The following IGSF5 variants were observed in gnomAD, a reference collection of about 807,000 sequenced individuals.
IGSF5 encodes immunoglobulin superfamily 5 like.
A neutral mutation model predicts 39.4 loss-of-function variants in IGSF5; 41 were observed. That is an observed-to-expected ratio of 1.04 (90% CI 0.81 to 1.35). The LOEUF (loss-of-function observed/expected upper bound fraction) is 1.35. Among genes scored for constraint, IGSF5 ranks in the 40% most tolerant of loss-of-function variants. The pLI, the probability that IGSF5 is intolerant of heterozygous loss-of-function variation, is 0.00. For synonymous variants in IGSF5, 183 were observed against 175.3 expected, an observed-to-expected ratio of 1.04 and a Z score of -0.34; for missense variants, 487 against 494.6, an observed-to-expected ratio of 0.98 and a Z score of 0.15.
chr21:39,793,573 A>T lies in IGSF5; in HGVS notation c.1088A>T (p.Asp363Val), dbSNP rs1569260005. Residue 363 changes from aspartate (D) to valine (V), a missense_variant, in exon 8 of 9, where the codon GAT (aspartate) becomes GTT (valine). By Grantham distance (152) the Asp-to-Val change is radical (BLOSUM62 -3). Transcript: ENST00000380588. ...CCTCCCAAATCCTGTGAATCCAGTG[A>T]TCCTGAACAAAGAAACAGTAGCTGT... is the stretch of plus-strand genomic sequence containing the variant. ...SLPPKSCESS[D>V]PEQRNSSCGP... The T allele has an allele frequency of 6.2e-7, 1 of 1,613,982 alleles. No homozygotes were observed. The highest frequency in any genetic ancestry group is 8.5e-7 in the Non-Finnish European group (1 of 1,179,972).
intron 4 of IGSF5, among the ~76,000 whole-genome samples, chr21:39,775,100 G>C (rs1381121037): frequency 6.6e-6 from 1 of 152,084 alleles, no homozygotes; most frequent in Admixed American, 6.6e-5. Context: ...AAGTTCCCAA[G>C]TTACTCTAAT....
chr21:39,785,985 AC>A (rs1415887062), intron 5 of IGSF5, among the ~76,000 whole-genome samples: 17 of 152,182 alleles, frequency 1.1e-4, no homozygotes, highest in African/African-American at 3.9e-4. Context: ...TAAACGTTAG[AC>A]CTAAAACCAT....
intron 5 of IGSF5, among the ~76,000 whole-genome samples, chr21:39,785,460 C>T (rs1377488256): frequency 6.6e-6 from 1 of 152,110 alleles, no homozygotes; most frequent in Admixed American, 6.6e-5. Context: ...GTTACTGTAG[C>T]CTTGTAGTAT....
At chr21:39,778,275 T>G (rs1423336307) in intron 4 of IGSF5, among the ~76,000 whole-genome samples, 1 of 152,202 alleles carries the variant, frequency 6.6e-6, no homozygotes, top group Non-Finnish European at 1.5e-5. Flanking sequence ...CACTGAATAT[T>G]TAATGACTCA....
At chr21:39,733,186 A>C in the IGSF5 span, among the ~76,000 whole-genome samples, 1 of 152,194 alleles carries the variant, frequency 6.6e-6, no homozygotes, top group Non-Finnish European at 1.5e-5. Context: ...AAAATGGCAA[A>C]CGACATAATG....
At chr21:39,764,768 G>C (rs570065598) in intron 2 of IGSF5, among the ~76,000 whole-genome samples, 3 of 152,248 alleles carry the variant, frequency 2.0e-5, no homozygotes, top group Admixed American at 1.3e-4. Flanking sequence ...AAGGTAGTAG[G>C]ACATGTTGCA....
chr21:39,729,646 C>T, the IGSF5 span: 1 of 152,138 alleles, frequency 6.6e-6, no homozygotes, highest in African/African-American at 2.4e-5. Context: ...AAAGGAGGAG[C>T]ATAGAAATCC....
chr21:39,762,407 T>A (rs1009754104), intron 2 of IGSF5, among the ~76,000 whole-genome samples: 1 of 152,188 alleles, frequency 6.6e-6, no homozygotes, highest in Non-Finnish European at 1.5e-5. Context: ...AATTGGCAAT[T>A]GGTTTAAAGA....
chr21:39,731,595 T>C, the IGSF5 span, among the ~76,000 whole-genome samples: 12 of 152,296 alleles, frequency 7.9e-5, no homozygotes, highest in East Asian at 1.5e-3. Flanking sequence ...GAGAATAGGG[T>C]GCATTGTTGC....
chr21:39,757,854 G>A (rs2080039983), intron 2 of IGSF5, among the ~76,000 whole-genome samples: 1 of 152,198 alleles, frequency 6.6e-6, no homozygotes. Context: ...TGGAATTACA[G>A]GCGTGAGCCA....
At chr21:39,766,669 A>G (rs547365534) in intron 3 of IGSF5, among the ~76,000 whole-genome samples, 1 of 152,350 alleles carries the variant, frequency 6.6e-6, no homozygotes, top group South Asian at 2.1e-4. Context: ...AGATAATGTT[A>G]CACAGTAAAA....
upstream of IGSF5, among the ~76,000 whole-genome samples, chr21:39,741,985 G>T (rs1160970748): frequency 6.6e-6 from 1 of 152,002 alleles, no homozygotes; most frequent in Non-Finnish European, 1.5e-5. Context: ...TGGGCTTTTA[G>T]GTCCTTAACA....
At chr21:39,773,209 A>G (rs2080123539) in intron 4 of IGSF5, among the ~76,000 whole-genome samples, 1 of 152,116 alleles carries the variant, frequency 6.6e-6, no homozygotes, top group South Asian at 2.1e-4. Flanking sequence ...GCTCCCACTT[A>G]TAAGTGAGAA....
the IGSF5 span, chr21:39,730,284 C>T: frequency 6.6e-6 from 1 of 152,090 alleles, no homozygotes; most frequent in African/African-American, 2.4e-5. Context: ...TCCAAATTGC[C>T]CCTTTTTATA....
chr21:39,765,729 G>T lies in IGSF5; in HGVS notation c.295G>T (p.Asp99Tyr), dbSNP rs769443272. 1.9e-6 allele frequency: 3 copies of T among 1,614,070 alleles called. No individual in the cohort carries two copies. Among genetic ancestry groups the T allele is most frequent in the Non-Finnish European group, 2.5e-6 (3 of 1,180,000 alleles). The change falls in exon 3 of 9, where the codon GAC (aspartate) becomes TAC (tyrosine). Residue 99 changes from aspartate to tyrosine, a missense_variant. Asp to Tyr is a radical substitution (Grantham distance 160). Transcript: ENST00000380588. ...TNDRFTSQRY[D>Y]QGGNFTSEMI... ...TGACCGCTTCACCTCTCAGAGGTAC[G>T]ACCAGGGCGGGAACTTCACCTCGGA...
At chr21:39,772,822 T>C (rs4818088) in intron 4 of IGSF5, among the ~76,000 whole-genome samples, 39,593 of 152,012 alleles carry the variant, frequency 0.26, 6,593 homozygotes, top group East Asian at 0.46. Context: ...ATGACAATTT[T>C]CATTGGCGTA....
At chr21:39,757,579 CTT>C (rs35315186) in intron 2 of IGSF5, among the ~76,000 whole-genome samples, 8,793 of 130,584 alleles carry the variant, frequency 0.067, 975 homozygotes, top group African/African-American at 0.23. Context: ...AATGTGCATT[CTT>C]TTTTTTTTTT....
rs1279791069 is a variant in IGSF5, at chr21:39,788,103, A to G, written c.935-64A>G. 54 of 1,309,448 alleles carry G rather than the reference A, an allele frequency of 4.1e-5. 2 individuals carry two copies. The South Asian group carries it at 6.9e-4, about 17-fold the overall frequency. The allele number at this position is 1,309,448 out of a possible 1,614,324, so 81.1% of individuals were successfully genotyped here. ...AAAATAAGGGAGTGTATAAAAATTAATGAGACTCGATTTTTAGAATAAGTA... is the reference window on the plus strand; with the variant it reads ...AAAATAAGGGAGTGTATAAAAATTAGTGAGACTCGATTTTTAGAATAAGTA... On this transcript the variant is annotated intron_variant, in intron 5 of 8. Transcript: ENST00000380588.
chr21:39,792,343 A>G (rs1166017910), intron 7 of IGSF5, among the ~76,000 whole-genome samples: 2 of 151,994 alleles, frequency 1.3e-5, no homozygotes, highest in African/African-American at 2.4e-5. Context: ...GCTTTAAAAA[A>G]CTTTGTTTTT....
Sources: allele counts gnomAD v4.1 joint callset (sites outside exome capture counted in the v4.1 genomes callset), GRCh38; gene constraint gnomAD v4.1.1; transcripts MANE v1.5; gene names NCBI Gene and HGNC (gene_info 2026-07-23, HGNC 2026-07-21).